ELMO1: variants seen among roughly 807,000 people sequenced by gnomAD.
ELMO1 encodes engulfment and cell motility protein 1.
Under a neutral mutation model 98.9 loss-of-function variants are expected in ELMO1, and 26 were observed. The ratio of observed to expected loss-of-function variants is 0.26; its 90% CI spans 0.19 to 0.36. The LOEUF (loss-of-function observed/expected upper bound fraction) is 0.36. ELMO1 is among the 10% of genes least tolerant of loss of function. The pLI, the probability that ELMO1 is intolerant of heterozygous loss-of-function variation, is 1.00. For missense variants in ELMO1, 627 were observed against 935.2 expected (o/e 0.67, Z 4.30); for synonymous variants, 346 against 346.0 (o/e 1.00, Z 0.00).
intron 16 of ELMO1, among the ~76,000 whole-genome samples, chr7:37,011,932 T>A (rs986028051): frequency 6.6e-6 from 1 of 152,242 alleles, no homozygotes; most frequent in African/African-American, 2.4e-5. Context: ...GCTGCAGTTA[T>A]AATCCTAAGG....
intron 13 of ELMO1, among the ~76,000 whole-genome samples, chr7:37,135,403 CCA>C (rs1380732723): frequency 1.3e-5 from 2 of 152,208 alleles, no homozygotes; most frequent in African/African-American, 4.8e-5. Context: ...AACTGGATCA[CCA>C]CCGCAGGCTC....
At chr7:36,920,359 A>T (rs1423768033) in intron 16 of ELMO1, among the ~76,000 whole-genome samples, 1 of 152,230 alleles carries the variant, frequency 6.6e-6, no homozygotes, top group Admixed American at 6.5e-5. Context: ...GAAGAGGCTG[A>T]CCTCATATAG....
intron 15 of ELMO1, among the ~76,000 whole-genome samples, chr7:37,048,553 C>T (rs1366071850): frequency 6.6e-6 from 1 of 152,144 alleles, no homozygotes; most frequent in Non-Finnish European, 1.5e-5. Flanking sequence ...AGATCTGTTC[C>T]CCCACCTAAC....
In ELMO1 at chr7:37,113,694, T is replaced by C. The variant is rs558699021; in HGVS notation, c.1192-16967A>G. Reference sequence around the variant, plus strand: ...TGAAGCTCCAACCCGCTGTATAGCATGTGACTGTATTTGAAGATAGGGCCT... The same window carrying C: ...TGAAGCTCCAACCCGCTGTATAGCACGTGACTGTATTTGAAGATAGGGCCT... On this transcript the variant is annotated intron_variant, in intron 14 of 21. Coordinates refer to ENST00000310758, the MANE Select transcript of ELMO1 (RefSeq NM_014800.11). 4.6e-5 allele frequency among the ~76,000 whole-genome samples: 7 copies of C among 152,342 alleles called. No homozygotes were observed. The South Asian group carries it at 1.4e-3, about 32-fold the overall frequency.
At chr7:36,955,209 C>A (rs573272835) in intron 16 of ELMO1, among the ~76,000 whole-genome samples, 2 of 152,148 alleles carry the variant, frequency 1.3e-5, no homozygotes, top group Non-Finnish European at 2.9e-5. Flanking sequence ...ACTGGTCACA[C>A]CAGGAAATAA....
At chr7:37,214,768 ATC>A (rs1159969299) in intron 11 of ELMO1, among the ~76,000 whole-genome samples, 1 of 152,226 alleles carries the variant, frequency 6.6e-6, no homozygotes, top group Non-Finnish European at 1.5e-5. Flanking sequence ...GCGTATGGGA[ATC>A]TCTTTTCTTA....
intron 6 of ELMO1, among the ~76,000 whole-genome samples, chr7:37,257,872 G>A (rs148018859): frequency 0.011 from 1,692 of 150,940 alleles, 28 homozygotes; most frequent in African/African-American, 0.036. Flanking sequence ...GGTGTCACAC[G>A]CCTGTAGTCC....
At chr7:37,344,618 G>C (rs569621005) in intron 1 of ELMO1, among the ~76,000 whole-genome samples, 1 of 152,310 alleles carries the variant, frequency 6.6e-6, no homozygotes, top group African/African-American at 2.4e-5. Context: ...CAAAACATAG[G>C]TGCAGTTAAT....
At chr7:37,334,360 C>T (rs896998685) in intron 2 of ELMO1, among the ~76,000 whole-genome samples, 7 of 152,132 alleles carry the variant, frequency 4.6e-5, no homozygotes, top group African/African-American at 7.2e-5. Flanking sequence ...GCAGGAGAAT[C>T]GCTTGAACCT....
At chr7:36,885,561 T>C (rs142885684) in intron 18 of ELMO1, among the ~76,000 whole-genome samples, 2 of 152,330 alleles carry the variant, frequency 1.3e-5, no homozygotes, top group Middle Eastern at 3.4e-3. Flanking sequence ...TTCTGTGCCC[T>C]TTGCCCAATG....
chr7:37,345,218 A>T (rs1377061920), intron 1 of ELMO1, among the ~76,000 whole-genome samples: 1 of 152,236 alleles, frequency 6.6e-6, no homozygotes. Flanking sequence ...ATAATTATTG[A>T]GCCTCTGCTC....
At position 37,400,822 on chromosome 7, in the gene ELMO1, G is replaced by T. The variant is rs185320268; in HGVS notation, c.-74+47853C>A. Among the ~76,000 whole-genome samples the T allele has an allele frequency of 5.9e-5, 9 of 152,280 alleles. 1 individual carries two copies. The South Asian group carries it at 6.2e-4, about 11-fold the overall frequency. ...TTTAAACTGCTTTTTAAATGGCAAA[G>T]AAATTCCTTTTTCTTTAGGACAGAA... On this transcript the variant is annotated intron_variant, in intron 1 of 21. Coordinates refer to ENST00000310758, the MANE Select transcript of ELMO1 (RefSeq NM_014800.11).
intron 8 of ELMO1, among the ~76,000 whole-genome samples, chr7:37,228,474 G>C (rs914101081): frequency 6.6e-6 from 1 of 152,130 alleles, no homozygotes; most frequent in Admixed American, 6.6e-5. Flanking sequence ...ACAGCTTCTC[G>C]AAAGTAGGCC....
chr7:37,254,731 G>A (rs950954489), intron 6 of ELMO1, among the ~76,000 whole-genome samples: 2 of 152,162 alleles, frequency 1.3e-5, no homozygotes, highest in African/African-American at 2.4e-5. Context: ...TTATATTTGT[G>A]GTCCATCACT....
At chr7:37,393,585 T>C (rs966932120) in intron 1 of ELMO1, among the ~76,000 whole-genome samples, 7 of 152,242 alleles carry the variant, frequency 4.6e-5, no homozygotes, top group African/African-American at 1.7e-4. Context: ...TTGAAGACTA[T>C]AGACTGGTTA....
At chr7:37,203,559 T>G (rs965247527) in intron 13 of ELMO1, among the ~76,000 whole-genome samples, 1 of 152,170 alleles carries the variant, frequency 6.6e-6, no homozygotes, top group Admixed American at 6.5e-5. Context: ...TTCTGATTGG[T>G]GAGCCCGGGC....
chr7:37,225,084 G>T, intron 8 of ELMO1, 54 bp from the exon 9 acceptor site: 1 of 1,600,312 alleles, frequency 6.2e-7, no homozygotes, highest in South Asian at 1.1e-5. Flanking sequence ...GAGCAGAGAC[G>T]TGGAGAAGGG....
chr7:37,446,094 A>T (rs1805601953), intron 1 of ELMO1, among the ~76,000 whole-genome samples: 1 of 152,176 alleles, frequency 6.6e-6, no homozygotes, highest in Non-Finnish European at 1.5e-5. Flanking sequence ...GAAAAAAGCA[A>T]AAGCCCATTA....
At chr7:36,868,091 C>T (rs76985190) in intron 20 of ELMO1, among the ~76,000 whole-genome samples, 2 of 152,062 alleles carry the variant, frequency 1.3e-5, no homozygotes, top group Admixed American at 6.6e-5. Flanking sequence ...TGATTACTGA[C>T]CAAGGGAAGT....
Sources: allele counts gnomAD v4.1 joint callset (sites outside exome capture counted in the v4.1 genomes callset), GRCh38; gene constraint gnomAD v4.1.1; transcripts MANE v1.5; gene names NCBI Gene and HGNC (gene_info 2026-07-23, HGNC 2026-07-21).